CACNB4: variants seen among roughly 807,000 people sequenced by gnomAD.
CACNB4 encodes voltage-dependent L-type calcium channel subunit beta-4.
CACNB4 carries 32 observed loss-of-function variants against 71.2 expected under a neutral mutation model. That is an observed-to-expected ratio of 0.45 (90% CI 0.34 to 0.60). The LOEUF (loss-of-function observed/expected upper bound fraction) is 0.60, where lower values mean the gene tolerates loss of function less well. Ranked by LOEUF, CACNB4 falls within the 20% of genes least tolerant of loss-of-function variation. The pLI, the probability that CACNB4 is intolerant of heterozygous loss-of-function variation, is 0.01. For missense variants in CACNB4, 464 were observed against 647.9 expected (o/e 0.72, Z 3.08); for synonymous variants, 231 against 236.9 (o/e 0.97, Z 0.23).
At chr2:152,017,429 C>G (rs1037030796) in intron 2 of CACNB4, among the ~76,000 whole-genome samples, 1 of 150,884 alleles carries the variant, frequency 6.6e-6, no homozygotes, top group African/African-American at 2.5e-5. Flanking sequence ...TGAGATGGGC[C>G]GGGCGCGGTG....
At position 151,995,337 on chromosome 2, in the gene CACNB4, T is replaced by C. The variant is rs545642485; in HGVS notation, c.147+102993A>G. Among the ~76,000 whole-genome samples, 59 of 152,346 alleles carry C rather than the reference T, an allele frequency of 3.9e-4. No individual in the cohort carries two copies. The Middle Eastern group carries it at 0.01, about 26-fold the overall frequency. ...AATGAGAAAACATCATGTGAATTTT[T>C]TGAGTGTAAGATTTATGGCTCACAG... On this transcript the variant is annotated intron_variant, in intron 2 of 13. Coordinates refer to ENST00000539935, the MANE Select transcript of CACNB4 (RefSeq NM_000726.5).
intron 2 of CACNB4, among the ~76,000 whole-genome samples, chr2:152,067,365 T>G (rs1686396238): frequency 6.7e-6 from 1 of 150,288 alleles, no homozygotes; most frequent in South Asian, 2.2e-4. Context: ...TTCTTTTTTG[T>G]TTTTTATAGA....
intron 2 of CACNB4, among the ~76,000 whole-genome samples, chr2:152,003,009 CA>C (rs1355671016): frequency 3.3e-5 from 5 of 152,234 alleles, no homozygotes; most frequent in Non-Finnish European, 7.3e-5. Flanking sequence ...GAACATCATG[CA>C]AAGCATGCTT....
rs1235100413 is a variant in CACNB4 at position 151,836,731 on chromosome 2, T to C, written c.*2388A>G. ...ACTAAAAACAAGGCTTTGAAAAACC[T>C]TTAAAAACAAGTGACTTTTAAAAAG... On this transcript the variant is annotated 3_prime_UTR_variant, in exon 14 of 14. Coordinates refer to ENST00000539935, the MANE Select transcript of CACNB4 (RefSeq NM_000726.5). 1 of 151,948 alleles carries C rather than the reference T, an allele frequency of 6.6e-6. No individual in the cohort carries two copies. Among genetic ancestry groups the C allele is most frequent in the African/African-American group, 2.4e-5 (1 of 41,438 alleles). 9.4% of individuals were successfully genotyped at this position (151,948 alleles called of 1,614,324 possible). A position where few individuals can be genotyped will look rare whatever the true frequency, so the allele number is the denominator to read the frequency against.
At chr2:151,860,249 A>AT (rs2099841301) in intron 10 of CACNB4, 2 of 175,456 alleles carry the variant, frequency 1.1e-5, no homozygotes, top group Non-Finnish European at 2.4e-5. Flanking sequence ...CAGGAAAGAC[A>AT]TGTTTAAAGT....
chr2:152,029,854 A>T (rs548499210), intron 2 of CACNB4, among the ~76,000 whole-genome samples: 3 of 152,346 alleles, frequency 2.0e-5, no homozygotes, highest in African/African-American at 7.2e-5. Context: ...GGCCTTTGGC[A>T]GACACCAAAT....
At chr2:152,056,243 C>T (rs958409761) in intron 2 of CACNB4, among the ~76,000 whole-genome samples, 1 of 151,862 alleles carries the variant, frequency 6.6e-6, no homozygotes, top group Admixed American at 6.6e-5. Flanking sequence ...GGCCTGTAGT[C>T]CCAGCTACTT....
At chr2:151,986,414 T>C (rs1343646072) in intron 2 of CACNB4, among the ~76,000 whole-genome samples, 1 of 152,176 alleles carries the variant, frequency 6.6e-6, no homozygotes, top group East Asian at 1.9e-4. Context: ...TAAGTGTTCA[T>C]ATTATTTACC....
At position 151,836,475 on chromosome 2, in the gene CACNB4, CTTAT is replaced by C. The variant is rs1254008275; in HGVS notation, c.*2640_*2643del. The C allele has an allele frequency of 1.3e-5, 2 of 151,690 alleles. No individual in the cohort carries two copies. The highest frequency in any genetic ancestry group is 4.8e-5 in the African/African-American group (2 of 41,358). The allele number at this position is 151,690 out of a possible 1,614,324, so 9.4% of individuals were successfully genotyped here. A position where few individuals can be genotyped will look rare whatever the true frequency, so the allele number is the denominator to read the frequency against. On this transcript the variant is annotated 3_prime_UTR_variant, in exon 14 of 14. Coordinates refer to ENST00000539935, the MANE Select transcript of CACNB4 (RefSeq NM_000726.5). ...TTAAAAAAAATAAGATGTATATCCC[CTTAT>C]TTGAGGAAGATAAACTTATTACAGA...
chr2:151,993,090 A>G (rs1377075668), intron 2 of CACNB4, among the ~76,000 whole-genome samples: 5 of 152,104 alleles, frequency 3.3e-5, no homozygotes, highest in Middle Eastern at 3.4e-3. Context: ...AGGTGTGGGA[A>G]GAAGGGACAA....
At chr2:151,936,886 A>G (rs747525810) in intron 2 of CACNB4, among the ~76,000 whole-genome samples, 2 of 152,200 alleles carry the variant, frequency 1.3e-5, no homozygotes, top group Non-Finnish European at 2.9e-5. Context: ...AAACCCTCCT[A>G]TGTTTCAAGA....
intron 10 of CACNB4, chr2:151,860,500 A>G: frequency 1.7e-6 from 1 of 576,938 alleles, no homozygotes; most frequent in South Asian, 2.2e-5. Context: ...CCAGACTACT[A>G]ATTAGCTAAT....
At chr2:152,034,694 G>A (rs1684465167) in intron 2 of CACNB4, among the ~76,000 whole-genome samples, 1 of 152,068 alleles carries the variant, frequency 6.6e-6, no homozygotes, top group South Asian at 2.1e-4. Context: ...AAAACACCAG[G>A]GGATGGCATC....
chr2:152,027,625 G>C (rs575281725), intron 2 of CACNB4, among the ~76,000 whole-genome samples: 1 of 152,040 alleles, frequency 6.6e-6, no homozygotes, highest in South Asian at 2.1e-4. Context: ...AAGCCGAGGC[G>C]GGCGGATCAC....
chr2:152,010,577 A>T (rs1560129478), intron 2 of CACNB4, among the ~76,000 whole-genome samples: 1 of 152,280 alleles, frequency 6.6e-6, no homozygotes, highest in Non-Finnish European at 1.5e-5. Context: ...CTTATTGTGT[A>T]TAGCACCCCT....
chr2:151,993,134 A>G (rs13386515), intron 2 of CACNB4, among the ~76,000 whole-genome samples: 88,465 of 150,796 alleles, frequency 0.59, 27,396 homozygotes, highest in South Asian at 0.76. Flanking sequence ...AGTCAGAGAC[A>G]GTAAGCCACG....
At chr2:151,880,173 C>T (rs922352860) in intron 4 of CACNB4, 1 of 152,704 alleles carries the variant, frequency 6.5e-6, no homozygotes, top group Non-Finnish European at 1.5e-5. Context: ...TGTGCCTGCA[C>T]TCATCTTTTC....
At chr2:151,874,621 G>A (rs975717264) in intron 5 of CACNB4, among the ~76,000 whole-genome samples, 5 of 152,072 alleles carry the variant, frequency 3.3e-5, no homozygotes, top group Non-Finnish European at 4.4e-5. Context: ...CAGTTGGTGC[G>A]GTTCTTATTA....
Position 152,098,564 on chromosome 2 carries a change from G to GCCGCCC in CACNB4, c.64-152_64-151insGGGCGG. ...GTCTCCTCCGCGACTCCCAAATACAGCCCCCACCCCCACCCACCCACTGCA... is the reference window on the plus strand; with the variant it reads ...GTCTCCTCCGCGACTCCCAAATACAGCCGCCCCCCCCACCCCCACCCACCCACTGCA... On this transcript the variant is annotated intron_variant, in intron 1 of 13. Coordinates refer to ENST00000539935, the MANE Select transcript of CACNB4 (RefSeq NM_000726.5). The surrounding 1 kb of genome is among the most constrained non-coding windows in gnomAD (Gnocchi z 5.3). The GCCGCCC allele has an allele frequency of 1.3e-5, 12 of 931,250 alleles. No individual in the cohort carries two copies. The highest frequency in any genetic ancestry group is 1.7e-5 in the Non-Finnish European group (10 of 583,182). 57.7% of individuals were successfully genotyped at this position (931,250 alleles called of 1,614,324 possible).
Sources: allele counts gnomAD v4.1 joint callset (sites outside exome capture counted in the v4.1 genomes callset), GRCh38; gene constraint gnomAD v4.1.1; non-coding constraint Gnocchi (gnomAD v3.1); transcripts MANE v1.5; gene names NCBI Gene and HGNC (gene_info 2026-07-23, HGNC 2026-07-21).